The following GMIP variants were observed in gnomAD, a reference collection of about 807,000 sequenced individuals.
GMIP encodes GEM interacting protein.
In GMIP, 54 loss-of-function variants were observed where a neutral mutation model predicts 105.3. That is an observed-to-expected ratio of 0.51 (90% confidence interval 0.41 to 0.64). GMIP has a LOEUF of 0.64. Ranked by LOEUF, GMIP falls within the 30% of genes least tolerant of loss-of-function variation. The pLI is 0.00. For synonymous variants in GMIP, 541 were observed against 560.8 expected (o/e 0.96, Z 0.50); for missense variants, 1,110 against 1,319.4 (o/e 0.84, Z 2.46).
chr19:19,635,652 C>G lies in GMIP; in HGVS notation c.1397G>C (p.Arg466Pro). Residue 466 changes from arginine (R) to proline (P), a missense_variant, in exon 14 of 21, where the codon CGA becomes CCA. By Grantham distance (103) the Arg-to-Pro change is moderately radical. Transcript: ENST00000203556. The surrounding 1 kb of genome is among the most constrained non-coding windows in gnomAD (Gnocchi z 4.7). The part of the protein sequence containing the change: ...GTESSDDFEE[R>P]DPDLGDGLEN... ...CCCTGCTTCAGCCTCACCAGGGTCT[C>G]GCTCCTCAAAGTCATCTGAGGACTC... 1.2e-6 allele frequency: 2 copies of G among 1,614,016 alleles called. No individual in the cohort carries two copies. Among genetic ancestry groups the G allele is most frequent in the Middle Eastern group, 3.3e-4 (2 of 6,062 alleles).
Position 19,634,104 on chromosome 19 carries a change from C to T in GMIP, c.2171G>A (p.Gly724Asp), listed in dbSNP as rs779273745. ...AGGGATGGCGCTGGCTGCCCGCGGG[C>T]CGTCCGGCGGCCGCAGCAGTGTCGG... ...FGPTLLRPPDGPRAASAIPVT... is the reference protein window; with the variant it reads ...FGPTLLRPPDDPRAASAIPVT... Residue 724 changes from glycine (G) to aspartate (D), a missense_variant, in exon 19 of 21, where the codon GGC becomes GAC. By Grantham distance (94) the Gly-to-Asp change is moderately conservative. Coordinates refer to ENST00000203556, the MANE Select transcript of GMIP (RefSeq NM_016573.4). The surrounding 1 kb of genome is among the most constrained non-coding windows in gnomAD (Gnocchi z 6.1). 6.2e-7 allele frequency: 1 copy of T among 1,612,686 alleles called. No homozygotes were observed. Among genetic ancestry groups the T allele is most frequent in the Non-Finnish European group, 8.5e-7 (1 of 1,179,674 alleles).
chr19:19,634,089 C>T lies in GMIP; in HGVS notation c.2186G>A (p.Ser729Asn), dbSNP rs920696163. The change falls in exon 19 of 21, where the codon AGC becomes AAC. Residue 729 changes from serine (S) to asparagine (N), a missense_variant. Ser to Asn is a conservative substitution (Grantham distance 46). Coordinates refer to ENST00000203556, the MANE Select transcript of GMIP (RefSeq NM_016573.4). The surrounding 1 kb of genome is among the most constrained non-coding windows in gnomAD (Gnocchi z 6.1). ...CAGCAGGCAGGTGACAGGGATGGCG[C>T]TGGCTGCCCGCGGGCCGTCCGGCGG... ...LRPPDGPRAA[S>N]AIPVTCLLDS... is the part of the protein sequence containing the mutation. The T allele has an allele frequency of 5.0e-6, 8 of 1,613,142 alleles. No individual in the cohort carries two copies. The East Asian group carries it at 6.7e-5, about 13-fold the overall frequency.
In GMIP at chr19:19,643,588, G is replaced by A. The variant is rs935672724; in HGVS notation, c.-59C>T. 2.1e-6 allele frequency: 3 copies of A among 1,460,440 alleles called. No individual in the cohort carries two copies. In the African/African-American group the frequency reaches 4.4e-5, roughly 21 times the overall value. The allele number at this position is 1,460,440 out of a possible 1,614,324, so 90.5% of individuals were successfully genotyped here. A position where few individuals can be genotyped will look rare whatever the true frequency, so the allele number is the denominator to read the frequency against. ...GATGGGGATGGGGTCGCGCGCCGGC[G>A]GGGCCGAGCCCCGATTTCCTGCCGC... On this transcript the variant is annotated 5_prime_UTR_variant, in exon 1 of 21. Coordinates refer to ENST00000203556, the MANE Select transcript of GMIP (RefSeq NM_016573.4).
Position 19,634,335 on chromosome 19 carries a change from G to T in GMIP, c.2085-145C>A. Reference sequence around the variant, plus strand: ...TCTGAGACCAGCAGCCACATATCCAGAACTGGAGGTCAGGGGTCAGTACCC... The same window carrying T: ...TCTGAGACCAGCAGCCACATATCCATAACTGGAGGTCAGGGGTCAGTACCC... On this transcript the variant is annotated intron_variant, in intron 18 of 20. Transcript: ENST00000203556. This position sits in a 1 kb window ranked among gnomAD's most constrained non-coding sequence, Gnocchi z 6.1. The T allele has an allele frequency of 9.8e-7, 1 of 1,023,352 alleles. No individual in the cohort carries two copies. 63.4% of individuals were successfully genotyped at this position (1,023,352 alleles called of 1,614,324 possible). A position where few individuals can be genotyped will look rare whatever the true frequency, so the allele number is the denominator to read the frequency against.
intron 9 of GMIP, 35 bp from the exon 10 acceptor site, chr19:19,638,092 G>A (rs2061875801): frequency 4.5e-6 from 7 of 1,544,404 alleles, no homozygotes; most frequent in East Asian, 2.4e-5. Flanking sequence ...GGGGTGGGGC[G>A]CGTGTGGGCG....
Position 19,638,427 on chromosome 19 carries a change from T to A in GMIP, c.593A>T (p.Gln198Leu). The part of the protein sequence containing the change: ...IEKWRKEFKE[Q>L]WMKEQKRMNE... ...CATCCGCTTCTGCTCCTTCATCCACTGCTCCTTGAACTCCTTCCGCCACTT... is the reference window on the plus strand; with the variant it reads ...CATCCGCTTCTGCTCCTTCATCCACAGCTCCTTGAACTCCTTCCGCCACTT... Residue 198 changes from glutamine to leucine, a missense_variant, in exon 8 of 21, where the codon CAG becomes CTG. Physicochemically the swap from Gln to Leu is moderately radical, Grantham distance 113. This residue lies in a region of GMIP where 667 missense variants were observed against 773.2 expected (regional missense o/e 0.86). Coordinates refer to ENST00000203556, the MANE Select transcript of GMIP (RefSeq NM_016573.4). 6.2e-7 allele frequency: 1 copy of A among 1,614,164 alleles called. No homozygotes were observed. Among genetic ancestry groups the A allele is most frequent in the African/African-American group, 1.3e-5 (1 of 75,062 alleles).
chr19:19,635,816 A>T lies in GMIP; in HGVS notation c.1328-95T>A. 1 of 989,592 alleles carries T rather than the reference A, an allele frequency of 1.0e-6. No individual in the cohort carries two copies. Among genetic ancestry groups the T allele is most frequent in the Non-Finnish European group, 1.6e-6 (1 of 622,374 alleles). The allele number at this position is 989,592 out of a possible 1,614,324, so 61.3% of individuals were successfully genotyped here. A position where few individuals can be genotyped will look rare whatever the true frequency, so the allele number is the denominator to read the frequency against. ...ACCACCCACTAATTCCCAAGGGGTC[A>T]GAGGTCAGGAGGGGGATTGGACAGG... On this transcript the variant is annotated intron_variant, in intron 13 of 20. Transcript: ENST00000203556. This position sits in a 1 kb window ranked among gnomAD's most constrained non-coding sequence, Gnocchi z 4.7.
In GMIP at chr19:19,629,911, T is replaced by C. The variant is rs2061774205; in HGVS notation, c.*52A>G. 6.5e-7 allele frequency: 1 copy of C among 1,550,094 alleles called. No homozygotes were observed. The highest frequency in any genetic ancestry group is 1.9e-5 in the Admixed American group (1 of 52,896). On this transcript the variant is annotated 3_prime_UTR_variant, in exon 21 of 21. Transcript: ENST00000203556. ...CTAGGTGGTGGGAGGTAGGGATATA[T>C]GGGTCCGTCTTCACAATCTGGGCCT...
At position 19,629,853 on chromosome 19, in the gene GMIP, C is replaced by T; in HGVS notation, c.*110G>A. 1 of 1,104,850 alleles carries T rather than the reference C, an allele frequency of 9.1e-7. No homozygotes were observed. The highest frequency in any genetic ancestry group is 1.3e-6 in the Non-Finnish European group (1 of 782,398). The allele number at this position is 1,104,850 out of a possible 1,614,324, so 68.4% of individuals were successfully genotyped here. Reference sequence around the variant, plus strand: ...CTTATAGGAACCCTCTGGACCTCTCCCAGCATTGAACTCCTGGCGGGGTGT... The same window carrying T: ...CTTATAGGAACCCTCTGGACCTCTCTCAGCATTGAACTCCTGGCGGGGTGT... On this transcript the variant is annotated 3_prime_UTR_variant, in exon 21 of 21. Coordinates refer to ENST00000203556, the MANE Select transcript of GMIP (RefSeq NM_016573.4).
At chr19:19,641,903 G>A (rs757642536) in intron 3 of GMIP, 36 bp from the exon 4 acceptor site, 1 of 1,610,418 alleles carries the variant, frequency 6.2e-7, no homozygotes, top group Non-Finnish European at 8.5e-7. Context: ...GAAGCAAACA[G>A]GGCAGGGGCC....
chr19:19,639,244 CT>C (rs556314426), intron 7 of GMIP, among the ~76,000 whole-genome samples: 257 of 140,168 alleles, frequency 1.8e-3, no homozygotes, highest in Admixed American at 2.1e-3. Flanking sequence ...AATTAAAAAA[CT>C]TTTTTTTTTT....
Position 19,634,670 on chromosome 19 carries a change from C to G in GMIP, c.1921G>C (p.Asp641His), listed in dbSNP as rs12003. 1 of 1,611,526 alleles carries G rather than the reference C, an allele frequency of 6.2e-7. No homozygotes were observed. Among genetic ancestry groups the G allele is most frequent in the South Asian group, 1.1e-5 (1 of 91,054 alleles). ...TEPVIPFHLY[D>H]AFISLAKTLH... ...GTCTTAGCCAGAGAGATGAAGGCGT[C>G]GTAGAGGTGGAAGGGGATCACGGGC... The change falls in exon 18 of 21, where the codon GAC becomes CAC. Residue 641 changes from aspartate to histidine, a missense_variant. Coordinates refer to ENST00000203556, the MANE Select transcript of GMIP (RefSeq NM_016573.4). The surrounding 1 kb of genome is among the most constrained non-coding windows in gnomAD (Gnocchi z 6.1).
Position 19,640,554 on chromosome 19 carries a change from G to C in GMIP, c.256C>G (p.Arg86Gly). The part of the protein sequence containing the change: ...VPLTGEELDL[R>G]LIRTKGGVDA... ...ACACCCCCCTTTGTCCGAATGAGCC[G>C]CAAGTCCAGTTCCTCCCCTGGGGAA... The change falls in exon 5 of 21, where the codon CGG (arginine) becomes GGG (glycine). Residue 86 changes from arginine to glycine, a missense_variant. This residue lies in a region of GMIP where 667 missense variants were observed against 773.2 expected (regional missense o/e 0.86). Transcript: ENST00000203556. The C allele has an allele frequency of 6.2e-7, 1 of 1,613,872 alleles. No homozygotes were observed. The highest frequency in any genetic ancestry group is 8.5e-7 in the Non-Finnish European group (1 of 1,179,960).
chr19:19,643,481 G>A (rs764395269), intron 1 of GMIP, 30 bp downstream of exon 1: 9 of 1,537,770 alleles, frequency 5.9e-6, no homozygotes, highest in South Asian at 2.4e-5. Flanking sequence ...ATGGTCGGGG[G>A]AGGCCCCTCC....
At chr19:19,641,087 A>C (rs913652814) in intron 4 of GMIP, among the ~76,000 whole-genome samples, 4 of 145,514 alleles carry the variant, frequency 2.7e-5, no homozygotes, top group African/African-American at 1.0e-4. Context: ...GGGTTTTTTT[A>C]TTTTTATTTT....
In GMIP at chr19:19,634,595, C is replaced by T. The variant is rs1415497872; in HGVS notation, c.1996G>A (p.Glu666Lys). 4 of 1,613,634 alleles carry T rather than the reference C, an allele frequency of 2.5e-6. No homozygotes were observed. Among genetic ancestry groups the T allele is most frequent in the Admixed American group, 1.7e-5 (1 of 59,862 alleles). Residue 666 changes from glutamate (E) to lysine (K), a missense_variant, in exon 18 of 21, where the codon GAG becomes AAG. Physicochemically the swap from Glu to Lys is moderately conservative, Grantham distance 56 (BLOSUM62 1). Coordinates refer to ENST00000203556, the MANE Select transcript of GMIP (RefSeq NM_016573.4). This position sits in a 1 kb window ranked among gnomAD's most constrained non-coding sequence, Gnocchi z 6.1. Reference protein sequence around the residue: ...DDPGTPSPSPEVIRSLKTLLV... With the variant: ...DDPGTPSPSPKVIRSLKTLLV... ...AGGGTCTTCAGCGAGCGGATAACCT[C>T]AGGGCTGGGGCTGGGGGTCCCAGGG...
chr19:19,635,345 G>A lies in GMIP; in HGVS notation c.1560+70C>T, dbSNP rs2061842307. The A allele has an allele frequency of 1.3e-6, 2 of 1,567,746 alleles. No individual in the cohort carries two copies. The highest frequency in any genetic ancestry group is 1.3e-5 in the African/African-American group (1 of 74,188). ...GGTGGGTCCCAGGGGCAGAAAGGCT[G>A]TAGGAATCTCAGGTCAGGGAGATGA... is the stretch of plus-strand genomic sequence containing the variant. On this transcript the variant is annotated intron_variant, in intron 15 of 20. Transcript: ENST00000203556. The surrounding 1 kb of genome is among the most constrained non-coding windows in gnomAD (Gnocchi z 4.7).
In GMIP at chr19:19,634,539, G is replaced by A. The variant is rs770404237; in HGVS notation, c.2052C>T (p.Asn684=). 1.9e-6 allele frequency: 3 copies of A among 1,613,132 alleles called. No homozygotes were observed. Among genetic ancestry groups the A allele is most frequent in the Non-Finnish European group, 2.5e-6 (3 of 1,179,744 alleles). ...LLVQLPDSNY[N]TLRHLVAHLF... is the part of the protein sequence containing the mutation. The stretch of plus-strand genomic sequence containing the variant: ...GATGGGCCACCAGGTGCCGCAGGGT[G>A]TTGTAGTTAGAGTCAGGCAGCTGTA... Residue 684 remains asparagine, a synonymous_variant, in exon 18 of 21, where the codon AAC becomes AAT. Transcript: ENST00000203556. This position sits in a 1 kb window ranked among gnomAD's most constrained non-coding sequence, Gnocchi z 6.1.
At position 19,637,122 on chromosome 19, in the gene GMIP, C is replaced by T; in HGVS notation, c.1125-93G>A. 2 of 829,146 alleles carry T rather than the reference C, an allele frequency of 2.4e-6. No homozygotes were observed. 51.4% of individuals were successfully genotyped at this position (829,146 alleles called of 1,614,324 possible). A position where few individuals can be genotyped will look rare whatever the true frequency, so the allele number is the denominator to read the frequency against. Reference sequence around the variant, plus strand: ...CATGTCTAGGTACCAACTCCAAGCACTTGGGTCTGCAAACCCTGACACCCA... The same window carrying T: ...CATGTCTAGGTACCAACTCCAAGCATTTGGGTCTGCAAACCCTGACACCCA... On this transcript the variant is annotated intron_variant, in intron 11 of 20. Coordinates refer to ENST00000203556, the MANE Select transcript of GMIP (RefSeq NM_016573.4). This position sits in a 1 kb window ranked among gnomAD's most constrained non-coding sequence, Gnocchi z 6.7.
Sources: allele counts gnomAD v4.1 joint callset (sites outside exome capture counted in the v4.1 genomes callset), GRCh38; gene constraint gnomAD v4.1.1; regional missense constraint gnomAD v4.1.1; non-coding constraint Gnocchi (gnomAD v3.1); transcripts MANE v1.5; gene names NCBI Gene and HGNC (gene_info 2026-07-23, HGNC 2026-07-21).